Variants in ZNF438 observed in about 807,000 individuals in gnomAD.
ZNF438 encodes zinc finger protein 438.
Under a neutral mutation model 38.0 loss-of-function variants are expected in ZNF438, and 25 were observed. That is an observed-to-expected ratio of 0.66 (90% confidence interval 0.48 to 0.92). The LOEUF is 0.92. ZNF438 is among the 40% of genes least tolerant of loss of function. The pLI is 0.00. For synonymous variants in ZNF438, 372 were observed against 364.1 expected, an observed-to-expected ratio of 1.02 and a Z score of -0.25; for missense variants, 1,007 against 999.6, an observed-to-expected ratio of 1.01 and a Z score of -0.10.
rs376981341 is a variant in ZNF438, at chr10:31,014,844, A to ATGTG, written c.-192+16985_-192+16988dup. On this transcript the variant is annotated intron_variant, in intron 1 of 5. Transcript: ENST00000413025. ...TATAATTATATATAAATGTGTGTGT[A>ATGTG]TGTGTGTGTGTGTGTGTATATATAT... 4.0e-3 allele frequency among the ~76,000 whole-genome samples: 600 copies of ATGTG among 149,218 alleles called. 9 individuals carry two copies. The highest frequency in any genetic ancestry group is 0.014 in the African/African-American group (563 of 40,522).
At chr10:30,996,207 T>C (rs1473573854) in intron 1 of ZNF438, among the ~76,000 whole-genome samples, 6 of 152,204 alleles carry the variant, frequency 3.9e-5, no homozygotes, top group South Asian at 4.1e-4. Flanking sequence ...CTGAGACCTA[T>C]AGAAAACAAA....
At chr10:30,845,471 A>G in exon 6 of ZNF438, 1 of 1,614,166 alleles carries the variant, frequency 6.2e-7, no homozygotes, top group South Asian at 1.1e-5. Flanking sequence ...TTATTTCCGC[A>G]AAAGACTGAG....
At chr10:30,915,830 G>A (rs1214945872) in intron 2 of ZNF438, among the ~76,000 whole-genome samples, 1 of 152,002 alleles carries the variant, frequency 6.6e-6, no homozygotes, top group Non-Finnish European at 1.5e-5. Context: ...ACTCATAAAA[G>A]TGTGCTTTGA....
At chr10:30,946,331 A>G (rs1007506459) in intron 1 of ZNF438, among the ~76,000 whole-genome samples, 5 of 152,230 alleles carry the variant, frequency 3.3e-5, no homozygotes, top group African/African-American at 1.2e-4. Context: ...AACAAAAGAC[A>G]AAGTTGACAA....
chr10:30,953,651 C>T (rs80329056), intron 1 of ZNF438, among the ~76,000 whole-genome samples: 2 of 79,632 alleles, frequency 2.5e-5, no homozygotes, highest in Admixed American at 2.5e-4. Context: ...AAAAAAAAAA[C>T]ATACACACAC....
intron 1 of ZNF438, among the ~76,000 whole-genome samples, chr10:30,972,204 C>T (rs1589502027): frequency 6.6e-6 from 1 of 152,270 alleles, no homozygotes; most frequent in Non-Finnish European, 1.5e-5. Flanking sequence ...CTCCTTACCT[C>T]GTGATCCACC....
chr10:30,938,947 A>G (rs1166701066), intron 2 of ZNF438, among the ~76,000 whole-genome samples: 1 of 152,086 alleles, frequency 6.6e-6, no homozygotes, highest in Non-Finnish European at 1.5e-5. Context: ...GGCATGCACC[A>G]CCACACCCGG....
At chr10:30,996,588 G>T (rs915452339) in intron 1 of ZNF438, among the ~76,000 whole-genome samples, 2 of 151,384 alleles carry the variant, frequency 1.3e-5, no homozygotes, top group African/African-American at 4.9e-5. Flanking sequence ...ACAGTTGAAG[G>T]GATACACAAT....
chr10:31,009,949 A>T (rs1434541302), intron 1 of ZNF438, among the ~76,000 whole-genome samples: 1 of 151,006 alleles, frequency 6.6e-6, no homozygotes, highest in Non-Finnish European at 1.5e-5. Flanking sequence ...CCCAAGTTCA[A>T]GCGATTCTCC....
intron 1 of ZNF438, among the ~76,000 whole-genome samples, chr10:31,027,098 C>A (rs1010006837): frequency 2.6e-5 from 1 of 37,960 alleles, no homozygotes. Context: ...GTCGTGGGGT[C>A]GGGGGAGGGG....
At chr10:30,967,296 A>G (rs1344947884) in intron 1 of ZNF438, among the ~76,000 whole-genome samples, 3 of 152,210 alleles carry the variant, frequency 2.0e-5, no homozygotes, top group Non-Finnish European at 4.4e-5. Context: ...GAAAAAGGAA[A>G]TAAGTATCTC....
chr10:30,917,810 A>G (rs182488319), intron 2 of ZNF438, among the ~76,000 whole-genome samples: 131 of 152,198 alleles, frequency 8.6e-4, no homozygotes, highest in African/African-American at 3.0e-3. Flanking sequence ...GGTTTTTTCA[A>G]TGAAGTCTAT....
At chr10:30,909,158 C>T (rs1280671020) in intron 2 of ZNF438, 143 bp from the exon 4 acceptor site, 1 of 152,052 alleles carries the variant, frequency 6.6e-6, no homozygotes, top group East Asian at 1.9e-4. Context: ...AGATATTTGC[C>T]TTATCAAACT....
chr10:30,999,832 T>C (rs909023397), intron 1 of ZNF438, among the ~76,000 whole-genome samples: 21 of 152,314 alleles, frequency 1.4e-4, no homozygotes, highest in Non-Finnish European at 2.1e-4. Context: ...CTCCCCTCAA[T>C]TTACACCTAG....
chr10:30,861,355 A>AT (rs2035551795), intron 4 of ZNF438, among the ~76,000 whole-genome samples: 1 of 152,076 alleles, frequency 6.6e-6, no homozygotes, highest in Non-Finnish European at 1.5e-5. Flanking sequence ...GCAGTTCGAA[A>AT]TTTTTTTTCA....
At chr10:30,880,941 T>TA (rs968367612) in intron 3 of ZNF438, among the ~76,000 whole-genome samples, 7 of 151,252 alleles carry the variant, frequency 4.6e-5, no homozygotes, top group Admixed American at 1.3e-4. Flanking sequence ...CATTACTGAT[T>TA]AAAAAAAAAC....
chr10:31,007,960 A>C (rs562875183), intron 1 of ZNF438, among the ~76,000 whole-genome samples: 26 of 152,252 alleles, frequency 1.7e-4, no homozygotes, highest in Non-Finnish European at 3.4e-4. Context: ...CTAAAACTTT[A>C]CGATTCTAAA....
chr10:31,005,800 TC>T (rs566384601), intron 1 of ZNF438, among the ~76,000 whole-genome samples: 178 of 152,354 alleles, frequency 1.2e-3, no homozygotes, highest in African/African-American at 4.1e-3. Context: ...ATGCTCATCA[TC>T]CTATTTACTT....
intron 1 of ZNF438, among the ~76,000 whole-genome samples, chr10:31,010,575 G>A (rs1042059525): frequency 6.6e-6 from 1 of 152,088 alleles, no homozygotes; most frequent in African/African-American, 2.4e-5. Flanking sequence ...AATTGAACAT[G>A]TTTAATTAGG....
Sources: allele counts gnomAD v4.1 joint callset (sites outside exome capture counted in the v4.1 genomes callset), GRCh38; gene constraint gnomAD v4.1.1; transcripts MANE v1.5; gene names NCBI Gene and HGNC (gene_info 2026-07-23, HGNC 2026-07-21).